The following HLCS variants were observed in gnomAD, a reference collection of about 807,000 sequenced individuals.
HLCS encodes the protein holocarboxylase synthetase.
HLCS carries 53 observed loss-of-function variants against 75.0 expected under a neutral mutation model. That is an observed-to-expected ratio of 0.71 (90% confidence interval 0.57 to 0.89). HLCS has a LOEUF of 0.89. Ranked by LOEUF, HLCS falls within the 40% of genes least tolerant of loss-of-function variation. The pLI, the probability that HLCS is intolerant of heterozygous loss-of-function variation, is 0.00. For synonymous variants in HLCS, 431 were observed against 428.6 expected (o/e 1.01, Z -0.07); for missense variants, 966 against 1,074.0 (o/e 0.90, Z 1.41).
rs574233810 is a variant in HLCS at position 36,855,232 on chromosome 21, T to A, written c.1892+41628A>T. On this transcript the variant is annotated intron_variant, in intron 6 of 10. Transcript: ENST00000674895. ...ATAGATCGTTTATATAATGTATAAA[T>A]CCAACTTCAAGAAGTTGGCCACGCA... is the stretch of plus-strand genomic sequence containing the variant. Among the ~76,000 whole-genome samples the A allele has an allele frequency of 1.1e-4, 16 of 152,254 alleles. No homozygotes were observed. The East Asian group carries it at 3.1e-3, about 29-fold the overall frequency.
chr21:36,879,773 G>A (rs1036753942), intron 6 of HLCS, among the ~76,000 whole-genome samples: 1 of 152,076 alleles, frequency 6.6e-6, no homozygotes, highest in Non-Finnish European at 1.5e-5. Context: ...AGCCAAGCAT[G>A]GTGGCACGCG....
At chr21:36,797,969 G>A (rs2061078290) in intron 6 of HLCS, among the ~76,000 whole-genome samples, 1 of 152,148 alleles carries the variant, frequency 6.6e-6, no homozygotes, top group African/African-American at 2.4e-5. Flanking sequence ...CACAAATATT[G>A]GGTTGTGGGG....
intron 6 of HLCS, among the ~76,000 whole-genome samples, chr21:36,828,250 G>A (rs1442233963): frequency 6.6e-6 from 1 of 152,162 alleles, no homozygotes. Flanking sequence ...AACCAGTATA[G>A]GGAATATCAA....
At position 36,891,820 on chromosome 21, in the gene HLCS, T is replaced by C. The variant is rs1015882480; in HGVS notation, c.1892+5040A>G. Among the ~76,000 whole-genome samples, 5 of 152,156 alleles carry C rather than the reference T, an allele frequency of 3.3e-5. 1 individual carries two copies. The highest frequency in any genetic ancestry group is 3.3e-4 in the Admixed American group (5 of 15,276). ...CTGTGTCAGCAACCAGCAATCTAAGTGAGCCTATGGGGCTGTCCCTGCAGC... is the reference window on the plus strand; with the variant it reads ...CTGTGTCAGCAACCAGCAATCTAAGCGAGCCTATGGGGCTGTCCCTGCAGC... On this transcript the variant is annotated intron_variant, in intron 6 of 10. Coordinates refer to ENST00000674895, the MANE Select transcript of HLCS (RefSeq NM_001352514.2).
chr21:36,980,175 G>C (rs1380620203), intron 1 of HLCS, among the ~76,000 whole-genome samples: 3 of 149,626 alleles, frequency 2.0e-5, no homozygotes, highest in Non-Finnish European at 4.4e-5. Context: ...CTGAGCAATG[G>C]AGTGAGACCC....
intron 6 of HLCS, among the ~76,000 whole-genome samples, chr21:36,820,538 C>G (rs1039745511): frequency 2.6e-5 from 4 of 152,270 alleles, no homozygotes; most frequent in Admixed American, 2.6e-4. Flanking sequence ...CATGACCCAG[C>G]CAGGTGTGCA....
chr21:36,892,096 T>C (rs1214037319), intron 6 of HLCS, among the ~76,000 whole-genome samples: 2 of 152,164 alleles, frequency 1.3e-5, no homozygotes, highest in African/African-American at 4.8e-5. Context: ...GCAAACAGAC[T>C]AGAGGGCTAC....
At chr21:36,893,322 T>A (rs1260747261) in intron 6 of HLCS, among the ~76,000 whole-genome samples, 2 of 152,128 alleles carry the variant, frequency 1.3e-5, no homozygotes, top group Non-Finnish European at 2.9e-5. Context: ...TCCACCCACC[T>A]CGGCCTCCCA....
chr21:36,755,106 A>G (rs994358776), intron 10 of HLCS, among the ~76,000 whole-genome samples: 13 of 152,226 alleles, frequency 8.5e-5, no homozygotes, highest in African/African-American at 2.9e-4. Context: ...ACATATAAAG[A>G]TAAGTTGCAG....
upstream of HLCS, chr21:36,969,758 A>C (rs922598653): frequency 8.5e-5 from 13 of 152,050 alleles, no homozygotes; most frequent in Admixed American, 5.2e-4. Context: ...TTTTTAGTAG[A>C]GATGGGGTTT....
chr21:36,985,961 T>C (rs1351172571), intron 1 of HLCS, among the ~76,000 whole-genome samples: 1 of 152,160 alleles, frequency 6.6e-6, no homozygotes, highest in Non-Finnish European at 1.5e-5. Flanking sequence ...CTTGTATATG[T>C]TTGTAATTCA....
At position 36,937,336 on chromosome 21, in the gene HLCS, G is replaced by A; in HGVS notation, c.550C>T (p.Gln184Ter). The change falls in exon 4 of 11, where the codon CAA (glutamine) becomes TAA (stop). Residue 184 changes from glutamine (Q) to a stop codon, truncating the protein, a stop_gained. Transcript: ENST00000674895. LOFTEE classifies it high-confidence loss of function. Reference sequence around the variant, plus strand: ...GGCTTCGGCTCTAGGATCTGGGCTTGCTTGTTTGAGACCTGATCCTTAACT... The same window carrying A: ...GGCTTCGGCTCTAGGATCTGGGCTTACTTGTTTGAGACCTGATCCTTAACT... Reference protein sequence around the residue: ...KEVKDQVSNKQAQILEPKPEP... With the variant: ...KEVKDQVSNK 6.2e-7 allele frequency: 1 copy of A among 1,614,078 alleles called. No individual in the cohort carries two copies.
intron 6 of HLCS, among the ~76,000 whole-genome samples, chr21:36,843,273 C>T (rs2062677381): frequency 6.6e-6 from 1 of 151,662 alleles, no homozygotes; most frequent in African/African-American, 2.4e-5. Context: ...ACCCTGTCTC[C>T]ACAAAAAATA....
At chr21:36,930,183 GCAA>G in intron 5 of HLCS, 65 bp downstream of exon 5, 17 of 1,348,716 alleles carry the variant, frequency 1.3e-5, no homozygotes, top group Non-Finnish European at 1.8e-5. Flanking sequence ...AACAATTAAA[GCAA>G]CGGGTCGCCA....
chr21:36,960,700 T>C (rs926747981), intron 2 of HLCS, among the ~76,000 whole-genome samples: 3 of 152,194 alleles, frequency 2.0e-5, no homozygotes, highest in South Asian at 2.1e-4. Context: ...CCAGTAAACA[T>C]GGCTAGCATC....
intron 7 of HLCS, among the ~76,000 whole-genome samples, chr21:36,766,043 T>C (rs2090018840): frequency 6.6e-6 from 1 of 152,220 alleles, no homozygotes; most frequent in Admixed American, 6.5e-5. Flanking sequence ...CCTTTCTTTC[T>C]TCCTTTTTAT....
chr21:36,963,354 T>C (rs2068406361), intron 1 of HLCS, among the ~76,000 whole-genome samples: 2 of 152,238 alleles, frequency 1.3e-5, no homozygotes. Context: ...CTGTGCTGCA[T>C]ATCAGTTCAA....
chr21:36,831,300 G>C (rs1189037314), intron 6 of HLCS, among the ~76,000 whole-genome samples: 1 of 152,176 alleles, frequency 6.6e-6, no homozygotes, highest in Admixed American at 6.5e-5. Context: ...AAGCTCTCTT[G>C]AAAGTGTTCA....
chr21:36,763,460 C>G (rs576020654), intron 8 of HLCS, among the ~76,000 whole-genome samples: 1 of 152,094 alleles, frequency 6.6e-6, no homozygotes, highest in Non-Finnish European at 1.5e-5. Context: ...TCCGTTTCAG[C>G]GATGTGATGT....
Sources: gnomAD v4.1 joint callset for allele counts (sites outside exome capture counted in the v4.1 genomes callset) on GRCh38, gnomAD v4.1.1 for gene constraint, MANE v1.5 for transcripts, NCBI Gene and HGNC (gene_info 2026-07-23, HGNC 2026-07-21) for gene names.